KCNB2: variants seen among roughly 807,000 people sequenced by gnomAD.
KCNB2 encodes delayed rectifier potassium channel protein.
KCNB2 carries 15 observed loss-of-function variants against 61.5 expected under a neutral mutation model. The ratio of observed to expected loss-of-function variants is 0.24; its 90% CI spans 0.16 to 0.38. The LOEUF (loss-of-function observed/expected upper bound fraction) is 0.38. Among genes scored for constraint, KCNB2 ranks in the 10% least tolerant of loss-of-function variants. KCNB2 has a pLI of 1.00. For missense variants in KCNB2, 828 were observed against 1,125.2 expected, an observed-to-expected ratio of 0.74 and a Z score of 3.78; for synonymous variants, 457 against 446.0, an observed-to-expected ratio of 1.02 and a Z score of -0.31.
intron 2 of KCNB2, among the ~76,000 whole-genome samples, chr8:72,863,681 G>A (rs952706132): frequency 7.2e-5 from 11 of 152,142 alleles, no homozygotes; most frequent in African/African-American, 1.9e-4. Context: ...ATGGCAGCCC[G>A]CCAACTTGTG....
At chr8:72,621,729 C>T (rs923233891) in intron 2 of KCNB2, among the ~76,000 whole-genome samples, 2 of 152,036 alleles carry the variant, frequency 1.3e-5, no homozygotes, top group African/African-American at 4.8e-5. Context: ...GGCGTTAACA[C>T]CACAGTTTTA....
intron 2 of KCNB2, among the ~76,000 whole-genome samples, chr8:72,916,879 G>T (rs1412416932): frequency 6.6e-6 from 1 of 152,146 alleles, no homozygotes; most frequent in Non-Finnish European, 1.5e-5. Context: ...TCCAACCTTA[G>T]TCTCCAATGT....
chr8:72,784,218 T>G (rs1808811500), intron 2 of KCNB2, among the ~76,000 whole-genome samples: 1 of 152,084 alleles, frequency 6.6e-6, no homozygotes. Flanking sequence ...ATCTTATAAC[T>G]AAACCTTTGT....
chr8:72,819,100 A>T (rs1048622273), intron 2 of KCNB2, among the ~76,000 whole-genome samples: 3 of 152,188 alleles, frequency 2.0e-5, no homozygotes, highest in African/African-American at 7.2e-5. Context: ...AAGCCAACAC[A>T]AAATAATGAT....
At chr8:72,730,270 C>T (rs868118238) in intron 2 of KCNB2, among the ~76,000 whole-genome samples, 104 of 152,300 alleles carry the variant, frequency 6.8e-4, no homozygotes, top group African/African-American at 2.5e-3. Flanking sequence ...CCCCTTGCGA[C>T]TTTTCTTTTC....
intron 2 of KCNB2, among the ~76,000 whole-genome samples, chr8:72,646,971 G>A (rs887387637): frequency 5.3e-5 from 8 of 152,248 alleles, no homozygotes; most frequent in African/African-American, 1.7e-4. Flanking sequence ...AATAAAAAGA[G>A]GTTAAGTAAC....
At chr8:72,839,991 A>G (rs1809854003) in intron 2 of KCNB2, among the ~76,000 whole-genome samples, 1 of 151,606 alleles carries the variant, frequency 6.6e-6, no homozygotes. Flanking sequence ...TACACTTGCC[A>G]TGGTTGTTTG....
intron 2 of KCNB2, among the ~76,000 whole-genome samples, chr8:72,673,506 TA>T (rs1806600250): frequency 1.3e-5 from 2 of 152,220 alleles, no homozygotes; most frequent in Non-Finnish European, 2.9e-5. Flanking sequence ...GTGAGTCAAT[TA>T]AACCTCTTTC....
intron 2 of KCNB2, among the ~76,000 whole-genome samples, chr8:72,813,060 A>G (rs1809331728): frequency 6.6e-6 from 1 of 152,180 alleles, no homozygotes; most frequent in Admixed American, 6.5e-5. Context: ...TACAGAGATG[A>G]GTGAGGGATG....
At chr8:72,830,227 C>CAAAAAAAAAA (rs543474001) in intron 2 of KCNB2, among the ~76,000 whole-genome samples, 1 of 83,424 alleles carries the variant, frequency 1.2e-5, no homozygotes. Context: ...TCATATTTTC[C>CAAAAAAAAAA]AAAAAAAAAA....
intron 2 of KCNB2, among the ~76,000 whole-genome samples, chr8:72,823,963 C>T (rs556496183): frequency 6.6e-6 from 1 of 152,266 alleles, no homozygotes; most frequent in South Asian, 2.1e-4. Context: ...GTATACCCAA[C>T]AAGCATGGGA....
rs573823815 is a variant in KCNB2, at chr8:72,677,610, G to A, written c.579+109297G>A. On this transcript the variant is annotated intron_variant, in intron 2 of 2. Transcript: ENST00000523207. The stretch of plus-strand genomic sequence containing the variant: ...TTAACCTCCACGCTGCCAAATCTAG[G>A]GCGCATATCTCAGTATTTATTTTAT... Among the ~76,000 whole-genome samples the A allele has an allele frequency of 2.0e-5, 3 of 152,050 alleles. No homozygotes were observed. The South Asian group carries it at 6.2e-4, about 32-fold the overall frequency.
chr8:72,782,135 T>G (rs1185568151), intron 2 of KCNB2, among the ~76,000 whole-genome samples: 1 of 152,042 alleles, frequency 6.6e-6, no homozygotes, highest in East Asian at 1.9e-4. Context: ...TTTAAAAAAT[T>G]TAAAAAATGA....
chr8:72,919,758 T>A (rs912408611), intron 2 of KCNB2, among the ~76,000 whole-genome samples: 1 of 152,218 alleles, frequency 6.6e-6, no homozygotes, highest in East Asian at 1.9e-4. Flanking sequence ...AGGCTATATG[T>A]GAAAATTATC....
intron 2 of KCNB2, among the ~76,000 whole-genome samples, chr8:72,634,343 C>G (rs941301414): frequency 2.6e-5 from 4 of 152,136 alleles, no homozygotes; most frequent in Non-Finnish European, 5.9e-5. Flanking sequence ...CTAACATGCT[C>G]ATGAATCGCC....
At chr8:72,589,918 A>G (rs1585770125) in intron 2 of KCNB2, among the ~76,000 whole-genome samples, 1 of 152,336 alleles carries the variant, frequency 6.6e-6, no homozygotes, top group Non-Finnish European at 1.5e-5. Context: ...CATTCTGGAA[A>G]TACAGATTAC....
chr8:72,821,659 A>AAAAAAAAAAAACAC (rs1554535735), intron 2 of KCNB2, among the ~76,000 whole-genome samples: 1 of 117,092 alleles, frequency 8.5e-6, no homozygotes, highest in Non-Finnish European at 1.7e-5. Flanking sequence ...AAAAAAAAAA[A>AAAAAAAAAAAACAC]ACACACACAC....
At chr8:72,924,202 C>T (rs775335566) in intron 2 of KCNB2, among the ~76,000 whole-genome samples, 14 of 152,140 alleles carry the variant, frequency 9.2e-5, no homozygotes, top group Non-Finnish European at 1.5e-4. Context: ...TTAGAGACCA[C>T]GTCAGCATCA....
At position 72,582,186 on chromosome 8, in the gene KCNB2, A is replaced by T. The variant is rs944081934; in HGVS notation, c.579+13873A>T. Among the ~76,000 whole-genome samples, 17 of 152,304 alleles carry T rather than the reference A, an allele frequency of 1.1e-4. No individual in the cohort carries two copies. In the East Asian group the frequency reaches 3.3e-3, roughly 29 times the overall value. On this transcript the variant is annotated intron_variant, in intron 2 of 2. Coordinates refer to ENST00000523207, the MANE Select transcript of KCNB2 (RefSeq NM_004770.3). ...ACAATAGAAACCTAGAAGTCAGGGC[A>T]AGCTGCATCCCCCAAGGCTCAGGAA...
Sources: gnomAD v4.1 joint callset for allele counts (sites outside exome capture counted in the v4.1 genomes callset) on GRCh38, gnomAD v4.1.1 for gene constraint, MANE v1.5 for transcripts, NCBI Gene and HGNC (gene_info 2026-07-23, HGNC 2026-07-21) for gene names.